Variants in TTC28 observed in about 807,000 individuals in gnomAD.
The protein encoded by TTC28 is tetratricopeptide repeat domain 28, also known as tetratricopeptide repeat protein 28.
A neutral mutation model predicts 198.0 loss-of-function variants in TTC28; 61 were observed. The ratio of observed to expected loss-of-function variants is 0.31; its 90% CI spans 0.25 to 0.38. The LOEUF (loss-of-function observed/expected upper bound fraction) is 0.38, where lower values mean the gene tolerates loss of function less well. Among genes scored for constraint, TTC28 ranks in the 10% least tolerant of loss-of-function variants. The pLI, the probability that TTC28 is intolerant of heterozygous loss-of-function variation, is 1.00. For missense variants in TTC28, 2,678 were observed against 3,164.0 expected (o/e 0.85, Z 3.69); for synonymous variants, 1,171 against 1,297.8 (o/e 0.90, Z 2.10).
intron 5 of TTC28, among the ~76,000 whole-genome samples, chr22:28,228,941 G>A (rs1928587261): frequency 6.6e-6 from 1 of 152,138 alleles, no homozygotes; most frequent in Non-Finnish European, 1.5e-5. Context: ...CAGATCACAA[G>A]GTCAGGAGAT....
chr22:28,602,073 C>T (rs1692887232), intron 2 of TTC28, among the ~76,000 whole-genome samples: 1 of 152,110 alleles, frequency 6.6e-6, no homozygotes, highest in African/African-American at 2.4e-5. Flanking sequence ...TCCAGACTAG[C>T]AGCAATGAAC....
intron 5 of TTC28, among the ~76,000 whole-genome samples, chr22:28,291,366 A>C (rs1367701813): frequency 6.6e-6 from 1 of 152,206 alleles, no homozygotes; most frequent in Non-Finnish European, 1.5e-5. Flanking sequence ...AATAACCAGT[A>C]CCACTATAGA....
intron 12 of TTC28, among the ~76,000 whole-genome samples, chr22:28,078,045 C>T (rs915309708): frequency 1.3e-5 from 2 of 152,198 alleles, no homozygotes; most frequent in African/African-American, 4.8e-5. Flanking sequence ...ATGGGAGGCT[C>T]ATGTTCTATA....
chr22:28,237,777 T>G (rs1006203759), intron 5 of TTC28, among the ~76,000 whole-genome samples: 1 of 152,204 alleles, frequency 6.6e-6, no homozygotes, highest in African/African-American at 2.4e-5. Flanking sequence ...AAAATTCCTT[T>G]AATAGTTCTT....
At chr22:28,177,421 T>C (rs562143128) in intron 5 of TTC28, among the ~76,000 whole-genome samples, 1 of 152,328 alleles carries the variant, frequency 6.6e-6, no homozygotes, top group South Asian at 2.1e-4. Flanking sequence ...TGAAAAATGA[T>C]ACAGCCACTT....
Position 28,025,488 on chromosome 22 carries a change from T to C in TTC28, c.4073+4738A>G, listed in dbSNP as rs1315513012. On this transcript the variant is annotated intron_variant, in intron 13 of 22. Transcript: ENST00000397906. ...CAAAGGCCTAGACCTAGGAAGATAG[T>C]GATCAGCAGATGGCCGGCCTACACT... Among the ~76,000 whole-genome samples, 4 of 152,140 alleles carry C rather than the reference T, an allele frequency of 2.6e-5. No individual in the cohort carries two copies. The South Asian group carries it at 6.2e-4, about 24-fold the overall frequency.
chr22:28,109,250 A>G (rs1430408723), intron 6 of TTC28, among the ~76,000 whole-genome samples: 1 of 152,254 alleles, frequency 6.6e-6, no homozygotes, highest in African/African-American at 2.4e-5. Flanking sequence ...TATCAACTCA[A>G]TAGAGGATTA....
intron 2 of TTC28, among the ~76,000 whole-genome samples, chr22:28,512,360 G>A (rs1322662052): frequency 2.6e-5 from 4 of 152,124 alleles, no homozygotes; most frequent in Admixed American, 1.3e-4. Context: ...TATGGAAGAC[G>A]GTGTGGCAAT....
At chr22:28,449,868 G>C (rs2146251169) in intron 2 of TTC28, among the ~76,000 whole-genome samples, 1 of 152,214 alleles carries the variant, frequency 6.6e-6, no homozygotes, top group South Asian at 2.1e-4. Context: ...AAGTCAAACA[G>C]GTCCTAAGAG....
At chr22:28,073,677 T>C (rs970061615) in intron 12 of TTC28, among the ~76,000 whole-genome samples, 3 of 152,228 alleles carry the variant, frequency 2.0e-5, no homozygotes, top group African/African-American at 7.2e-5. Flanking sequence ...ATATATTCTT[T>C]GCCCTACTGA....
chr22:28,163,115 T>C lies in TTC28; in HGVS notation c.1418A>G (p.Glu473Gly). The part of the protein sequence containing the change: ...IAEDLKDRAA[E>G]GRASSNLGII... ...ACCTAGATTGGAGGATGCTCGCCCC[T>C]CTGCAGCCCGGTCCTTGAGATCCTC... is the stretch of plus-strand genomic sequence containing the variant. Residue 473 changes from glutamate (E) to glycine (G), a missense_variant, in exon 6 of 23, where the codon GAG (glutamate) becomes GGG (glycine). By Grantham distance (98) the Glu-to-Gly change is moderately conservative (BLOSUM62 -2). Coordinates refer to ENST00000397906, the MANE Select transcript of TTC28 (RefSeq NM_001145418.2). 2 of 1,551,250 alleles carry C rather than the reference T, an allele frequency of 1.3e-6. No individual in the cohort carries two copies. Among genetic ancestry groups the C allele is most frequent in the Non-Finnish European group, 1.7e-6 (2 of 1,146,738 alleles).
intron 1 of TTC28, among the ~76,000 whole-genome samples, chr22:28,660,888 C>T (rs2051732090): frequency 6.6e-6 from 1 of 151,836 alleles, no homozygotes; most frequent in African/African-American, 2.4e-5. Flanking sequence ...GAACTCCTGA[C>T]CTCATGATCT....
intron 2 of TTC28, among the ~76,000 whole-genome samples, chr22:28,564,106 T>C (rs1410835675): frequency 6.6e-6 from 1 of 151,928 alleles, no homozygotes; most frequent in African/African-American, 2.4e-5. Context: ...GAATGTAGAT[T>C]GGTGGTTGCC....
chr22:28,375,432 C>A (rs1277647734), intron 2 of TTC28, among the ~76,000 whole-genome samples: 2 of 152,116 alleles, frequency 1.3e-5, no homozygotes, highest in Non-Finnish European at 2.9e-5. Flanking sequence ...AGACTGTGCT[C>A]CTAATTACTA....
At chr22:28,151,481 T>C (rs1439316351) in intron 6 of TTC28, among the ~76,000 whole-genome samples, 4 of 152,208 alleles carry the variant, frequency 2.6e-5, no homozygotes, top group African/African-American at 9.6e-5. Context: ...CTCACATGTT[T>C]ACAGATGCAC....
chr22:28,222,700 A>G (rs1303582603), intron 5 of TTC28, among the ~76,000 whole-genome samples: 1 of 152,202 alleles, frequency 6.6e-6, no homozygotes, highest in Non-Finnish European at 1.5e-5. Context: ...CATGCACAAC[A>G]GTATCAGTCA....
chr22:28,428,829 G>A (rs572367970), intron 2 of TTC28, among the ~76,000 whole-genome samples: 11 of 151,452 alleles, frequency 7.3e-5, no homozygotes, highest in Non-Finnish European at 1.5e-4. Context: ...TTTAGTAGAG[G>A]CGGGGTTCCA....
chr22:28,261,754 T>C (rs865917258), intron 5 of TTC28, among the ~76,000 whole-genome samples: 1 of 152,168 alleles, frequency 6.6e-6, no homozygotes, highest in Non-Finnish European at 1.5e-5. Flanking sequence ...TGGGTCTCGC[T>C]ATATTGCTGA....
intron 12 of TTC28, among the ~76,000 whole-genome samples, chr22:28,086,579 C>T (rs1263503095): frequency 6.6e-6 from 1 of 152,226 alleles, no homozygotes; most frequent in African/African-American, 2.4e-5. Context: ...CCAAAATTGA[C>T]ACCCTAACAT....
Sources: allele counts gnomAD v4.1 joint callset (sites outside exome capture counted in the v4.1 genomes callset), GRCh38; gene constraint gnomAD v4.1.1; transcripts MANE v1.5; gene names NCBI Gene and HGNC (gene_info 2026-07-23, HGNC 2026-07-21).